Variants in FANCA observed in about 807,000 individuals in gnomAD.
The protein encoded by FANCA is Fanconi anemia group A protein.
A neutral mutation model predicts 194.3 loss-of-function variants in FANCA; 236 were observed. The ratio of observed to expected loss-of-function variants is 1.21; its 90% CI spans 1.09 to 1.35. The LOEUF is 1.35. Among genes scored for constraint, FANCA ranks in the 40% most tolerant of loss-of-function variants. FANCA has a pLI of 0.00. For synonymous variants in FANCA, 1,014 were observed against 715.8 expected (o/e 1.42, Z -6.65); for missense variants, 2,628 against 1,813.9 (o/e 1.45, Z -8.15).
At chr16:89,768,758 AGTT>A (rs2039216706) in intron 26 of FANCA, among the ~76,000 whole-genome samples, 1 of 152,140 alleles carries the variant, frequency 6.6e-6, no homozygotes, top group South Asian at 2.1e-4. Context: ...TCTGAGACCG[AGTT>A]CAGTATTTTG....
At chr16:89,797,172 A>G (rs2040276570) in intron 10 of FANCA, among the ~76,000 whole-genome samples, 2 of 152,076 alleles carry the variant, frequency 1.3e-5, no homozygotes, top group South Asian at 4.1e-4. Flanking sequence ...AAAAAGAAAA[A>G]TAAAAAAAAT....
rs758619078 is a variant in FANCA at position 89,814,543 on chromosome 16, G to C, written c.260C>G (p.Ala87Gly). ...VIDCDSSEAY[A>G]NHSSSFIGSA... Reference sequence around the variant, plus strand: ...ACCTATAAATGAACTAGAATGATTAGCATAGGCCTCAGAACTGTCACAGTC... The same window carrying C: ...ACCTATAAATGAACTAGAATGATTACCATAGGCCTCAGAACTGTCACAGTC... The change falls in exon 3 of 43, where the codon GCT (alanine) becomes GGT (glycine). Residue 87 changes from alanine (A) to glycine (G), a missense_variant. Ala to Gly is a moderately conservative substitution (Grantham distance 60). Transcript: ENST00000389301. 2.5e-6 allele frequency: 4 copies of C among 1,612,880 alleles called. No individual in the cohort carries two copies. The highest frequency in any genetic ancestry group is 1.7e-5 in the Admixed American group (1 of 60,002).
rs546555624 is a variant in FANCA, at chr16:89,781,091, G to A, written c.1627-1134C>T. 2.1e-4 allele frequency among the ~76,000 whole-genome samples: 32 copies of A among 152,206 alleles called. 1 individual carries two copies. In the South Asian group the frequency reaches 3.9e-3, roughly 19 times the overall value. On this transcript the variant is annotated intron_variant, in intron 17 of 42. Coordinates refer to ENST00000389301, the MANE Select transcript of FANCA (RefSeq NM_000135.4). ...AAAAGTAAAGAATGGAGGGCCAGGCGCAGTGGCTCACGCCTGTAATCCCAG... is the reference window on the plus strand; with the variant it reads ...AAAAGTAAAGAATGGAGGGCCAGGCACAGTGGCTCACGCCTGTAATCCCAG...
chr16:89,768,847 C>T (rs2039219165), intron 26 of FANCA, among the ~76,000 whole-genome samples: 2 of 152,186 alleles, frequency 1.3e-5, no homozygotes, highest in African/African-American at 4.8e-5. Context: ...CCCCAAGCCA[C>T]CTGGATGCCT....
chr16:89,781,363 CAAAAAAA>C (rs775937692), intron 17 of FANCA, among the ~76,000 whole-genome samples: 6 of 60,392 alleles, frequency 9.9e-5, no homozygotes, highest in African/African-American at 2.1e-4. Context: ...GACTCCATTC[CAAAAAAA>C]AAAAAAAAAA....
chr16:89,748,892 T>G, intron 32 of FANCA, 125 bp from the exon 33 acceptor site: 2 of 777,432 alleles, frequency 2.6e-6, no homozygotes, highest in Admixed American at 4.0e-5. Flanking sequence ...AACCAGAGCC[T>G]TGGCCTGTGT....
intron 8 of FANCA, among the ~76,000 whole-genome samples, chr16:89,801,520 A>C (rs1389026041): frequency 6.6e-6 from 1 of 152,192 alleles, no homozygotes; most frequent in Non-Finnish European, 1.5e-5. Context: ...ATGTAAATTA[A>C]TACAGCCATT....
intron 17 of FANCA, among the ~76,000 whole-genome samples, chr16:89,780,623 CAAAA>C (rs11356898): frequency 1.4e-5 from 2 of 140,024 alleles, no homozygotes; most frequent in Admixed American, 1.4e-4. Context: ...GTCCCTGCAT[CAAAA>C]AAAAAAAAAA....
intron 18 of FANCA, 116 bp downstream of exon 18, chr16:89,779,753 G>C (rs1268847646): frequency 3.5e-6 from 3 of 862,554 alleles, no homozygotes; most frequent in Admixed American, 1.9e-5. Context: ...GCAGGCATCA[G>C]AGCGGAGTCT....
intron 3 of FANCA, among the ~76,000 whole-genome samples, chr16:89,812,349 AC>A (rs1386935152): frequency 1.1e-4 from 16 of 146,878 alleles, no homozygotes; most frequent in African/African-American, 4.0e-4. Flanking sequence ...AAAAAACAAA[AC>A]AAAAAAAAAC....
chr16:89,746,946 A>G (rs944412999), intron 33 of FANCA, 56 bp from the exon 34 acceptor site: 16 of 1,456,718 alleles, frequency 1.1e-5, no homozygotes, highest in Non-Finnish European at 1.2e-5. Context: ...GGCGAGACCA[A>G]CATGCAGAGT....
rs2061977400 is a variant in FANCA, at chr16:89,737,551, A to G, written c.*1050T>C. ...AAAAAAAAGACAAGAATCTGTGGTT[A>G]AGGAAATAGCTTTCTGAGGTTTCTT... On this transcript the variant is annotated 3_prime_UTR_variant, in exon 43 of 43. Coordinates refer to ENST00000389301, the MANE Select transcript of FANCA (RefSeq NM_000135.4). The G allele has an allele frequency of 1.8e-5, 10 of 541,030 alleles. No homozygotes were observed. Among genetic ancestry groups the G allele is most frequent in the South Asian group, 1.8e-4 (7 of 38,080 alleles). The allele number at this position is 541,030 out of a possible 1,614,324, so 33.5% of individuals were successfully genotyped here. A position where few individuals can be genotyped will look rare whatever the true frequency, so the allele number is the denominator to read the frequency against.
At chr16:89,814,421 C>T in intron 3 of FANCA, 99 bp downstream of exon 3, 4 of 920,956 alleles carry the variant, frequency 4.3e-6, no homozygotes, top group Admixed American at 2.2e-5. Flanking sequence ...AAACCCATCG[C>T]CTGAGAAAAT....
chr16:89,806,566 G>GC (rs2040656685), intron 6 of FANCA, among the ~76,000 whole-genome samples: 1 of 151,768 alleles, frequency 6.6e-6, no homozygotes, highest in African/African-American at 2.4e-5. Flanking sequence ...CGAGCATGCT[G>GC]CCTTCAAGCA....
intron 30 of FANCA, 28 bp downstream of exon 30, chr16:89,758,549 G>A (rs2038837694): frequency 1.9e-6 from 3 of 1,611,026 alleles, no homozygotes; most frequent in Non-Finnish European, 2.5e-6. Flanking sequence ...TCCCTCCAGA[G>A]AACCCTAATA....
chr16:89,751,559 T>C (rs1354292757), intron 31 of FANCA, among the ~76,000 whole-genome samples: 7 of 152,128 alleles, frequency 4.6e-5, no homozygotes, highest in African/African-American at 1.7e-4. Flanking sequence ...GGAAAGCATC[T>C]GGCTAAGGAG....
intron 7 of FANCA, among the ~76,000 whole-genome samples, 158 bp downstream of exon 7, chr16:89,805,122 A>C (rs1167822162): frequency 6.6e-6 from 1 of 152,206 alleles, no homozygotes; most frequent in Non-Finnish European, 1.5e-5. Context: ...AGTAAAATGC[A>C]ACCCCACAAC....
intron 20 of FANCA, among the ~76,000 whole-genome samples, chr16:89,777,082 C>T (rs1017023164): frequency 3.3e-5 from 5 of 152,036 alleles, no homozygotes; most frequent in African/African-American, 7.2e-5. Flanking sequence ...TGGTGGAGCG[C>T]GCCTCTAGAC....
chr16:89,767,963 G>A (rs1245179670), intron 26 of FANCA, among the ~76,000 whole-genome samples: 1 of 152,132 alleles, frequency 6.6e-6, no homozygotes, highest in Non-Finnish European at 1.5e-5. Context: ...TGGGATTACA[G>A]CGTTAGCCAC....
Sources: gnomAD v4.1 joint callset for allele counts (sites outside exome capture counted in the v4.1 genomes callset) on GRCh38, gnomAD v4.1.1 for gene constraint, MANE v1.5 for transcripts, NCBI Gene and HGNC (gene_info 2026-07-23, HGNC 2026-07-21) for gene names.